Variants in CFTR observed in about 807,000 individuals in gnomAD.
The protein encoded by CFTR is CF transmembrane conductance regulator, also known as cystic fibrosis transmembrane conductance regulator.
Under a neutral mutation model 171.6 loss-of-function variants are expected in CFTR, and 181 were observed. That is an observed-to-expected ratio of 1.05 (90% CI 0.93 to 1.19). CFTR has a LOEUF of 1.19. CFTR is among the 50% of genes most tolerant of loss of function. The pLI, the probability that CFTR is intolerant of heterozygous loss-of-function variation, is 0.00. For missense variants in CFTR, 1,968 were observed against 1,734.7 expected (o/e 1.13, Z -2.39); for synonymous variants, 583 against 608.0 (o/e 0.96, Z 0.60).
At chr7:117,567,095 G>T (rs190312513) in intron 11 of CFTR, among the ~76,000 whole-genome samples, 97 of 152,136 alleles carry the variant, frequency 6.4e-4, no homozygotes, top group Admixed American at 2.5e-3. Context: ...AAAACACAAA[G>T]TAAAAAATCA....
At chr7:117,646,438 A>T (rs140082974) in intron 23 of CFTR, among the ~76,000 whole-genome samples, 180 of 152,286 alleles carry the variant, frequency 1.2e-3, no homozygotes, top group African/African-American at 4.0e-3. Context: ...TGGAGAGGGT[A>T]TTCCAGGATG....
intron 1 of CFTR, among the ~76,000 whole-genome samples, chr7:117,489,934 A>G (rs555822628): frequency 1.1e-4 from 17 of 151,976 alleles, no homozygotes; most frequent in Non-Finnish European, 2.1e-4. Context: ...TAGTGTGAAA[A>G]CCACTGACTT....
chr7:117,620,300 T>C (rs1282204604), intron 21 of CFTR, among the ~76,000 whole-genome samples: 1 of 152,182 alleles, frequency 6.6e-6, no homozygotes, highest in African/African-American at 2.4e-5. Flanking sequence ...TCCTTGAGGG[T>C]CTTATTTTTC....
intron 3 of CFTR, among the ~76,000 whole-genome samples, chr7:117,513,210 G>T (rs1334038594): frequency 1.3e-5 from 2 of 152,128 alleles, no homozygotes; most frequent in Non-Finnish European, 2.9e-5. Context: ...CAGTATGGAA[G>T]CTTGTATACC....
In CFTR at chr7:117,535,401, A is replaced by G; in HGVS notation, c.733A>G (p.Met245Val). ...LFQAGLGRMM[M>V]KYRDQRAGKI... ...TCAGGCTGGGCTAGGGAGAATGATGATGAAGTACAGGTAGCAACCTATTTT... is the reference window on the plus strand; with the variant it reads ...TCAGGCTGGGCTAGGGAGAATGATGGTGAAGTACAGGTAGCAACCTATTTT... Residue 245 changes from methionine (M) to valine (V), a missense_variant, in exon 6 of 27, where the codon ATG (methionine) becomes GTG (valine). Transcript: ENST00000003084. 6.2e-7 allele frequency: 1 copy of G among 1,614,102 alleles called. No homozygotes were observed. The highest frequency in any genetic ancestry group is 8.5e-7 in the Non-Finnish European group (1 of 1,179,992).
At chr7:117,571,130 G>A (rs1791681662) in intron 11 of CFTR, among the ~76,000 whole-genome samples, 2 of 152,294 alleles carry the variant, frequency 1.3e-5, no homozygotes, top group South Asian at 4.1e-4. Flanking sequence ...AGTCAGCAAA[G>A]GGGAAGATGA....
chr7:117,619,021 T>C (rs1167075819), intron 21 of CFTR, among the ~76,000 whole-genome samples: 1 of 152,216 alleles, frequency 6.6e-6, no homozygotes, highest in Non-Finnish European at 1.5e-5. Context: ...TCTATCTCTA[T>C]TCATTTCAAT....
At chr7:117,663,477 A>G (rs550994497) in intron 24 of CFTR, among the ~76,000 whole-genome samples, 2 of 151,606 alleles carry the variant, frequency 1.3e-5, no homozygotes, top group South Asian at 2.1e-4. Context: ...TATACTTTCA[A>G]ATGTTTTTTG....
At chr7:117,610,718 C>T in intron 19 of CFTR, 49 bp downstream of exon 19, 1 of 1,593,890 alleles carries the variant, frequency 6.3e-7, no homozygotes, top group Non-Finnish European at 8.6e-7. Context: ...GCTATAAGAG[C>T]TATTTGAGAT....
intron 3 of CFTR, among the ~76,000 whole-genome samples, chr7:117,517,564 A>G (rs959723958): frequency 1.3e-5 from 2 of 152,200 alleles, no homozygotes; most frequent in Admixed American, 6.5e-5. Flanking sequence ...TCCTTTGGGT[A>G]TGTACCCAGT....
intron 17 of CFTR, among the ~76,000 whole-genome samples, chr7:117,605,412 G>C (rs1425648445): frequency 1.3e-5 from 2 of 151,936 alleles, no homozygotes; most frequent in African/African-American, 4.8e-5. Flanking sequence ...TTTGCTTGGG[G>C]TATGGGTGAT....
chr7:117,591,476 C>A (rs535888302), intron 13 of CFTR, among the ~76,000 whole-genome samples: 8 of 151,918 alleles, frequency 5.3e-5, no homozygotes, highest in East Asian at 1.9e-4. Context: ...AATGTAAACA[C>A]TTGAGAAATA....
intron 3 of CFTR, among the ~76,000 whole-genome samples, chr7:117,516,794 C>T (rs1724573220): frequency 1.3e-5 from 2 of 152,082 alleles, no homozygotes; most frequent in African/African-American, 2.4e-5. Flanking sequence ...AAACACTTAT[C>T]TTTTGAGTTA....
At chr7:117,539,318 G>A (rs1799008148) in intron 7 of CFTR, among the ~76,000 whole-genome samples, 1 of 152,214 alleles carries the variant, frequency 6.6e-6, no homozygotes, top group Admixed American at 6.5e-5. Context: ...ATAGTGTAAT[G>A]TGATTGCAAA....
intron 11 of CFTR, among the ~76,000 whole-genome samples, chr7:117,578,381 G>A (rs2115992946): frequency 6.6e-6 from 1 of 152,052 alleles, no homozygotes; most frequent in Non-Finnish European, 1.5e-5. Context: ...TCTCTAGCTT[G>A]CTTTATTGTA....
chr7:117,620,788 T>G (rs548822273), intron 21 of CFTR, among the ~76,000 whole-genome samples: 8 of 152,322 alleles, frequency 5.3e-5, no homozygotes, highest in African/African-American at 1.9e-4. Flanking sequence ...GTTCTCATCC[T>G]AGTAGCACAT....
rs759721412 is a variant in CFTR, at chr7:117,504,308, A to T, written c.109A>T (p.Ile37Leu). Residue 37 changes from isoleucine to leucine, a missense_variant, in exon 2 of 27, where the codon ATA (isoleucine) becomes TTA (leucine). Physicochemically the swap from Ile to Leu is conservative, Grantham distance 5. Transcript: ENST00000003084. ...CAGACAGCGCCTGGAATTGTCAGACATATACCAAATCCCTTCTGTTGATTC... is the reference window on the plus strand; with the variant it reads ...CAGACAGCGCCTGGAATTGTCAGACTTATACCAAATCCCTTCTGTTGATTC... The part of the protein sequence containing the change: ...GYRQRLELSD[I>L]YQIPSVDSAD... The T allele has an allele frequency of 1.2e-6, 2 of 1,613,008 alleles. No individual in the cohort carries two copies.
intron 12 of CFTR, 144 bp from the exon 13 acceptor site, chr7:117,590,209 C>T: frequency 1.1e-6 from 1 of 894,098 alleles, no homozygotes; most frequent in Non-Finnish European, 1.6e-6. Context: ...ACTTCTGCAC[C>T]ACTTTTGAGA....
At chr7:117,634,862 G>A (rs1012345302) in intron 22 of CFTR, among the ~76,000 whole-genome samples, 2 of 151,854 alleles carry the variant, frequency 1.3e-5, no homozygotes, top group African/African-American at 4.8e-5. Context: ...TGTGATTTAT[G>A]GCCCAGAATG....
Sources: allele counts gnomAD v4.1 joint callset (sites outside exome capture counted in the v4.1 genomes callset), GRCh38; gene constraint gnomAD v4.1.1; transcripts MANE v1.5; gene names NCBI Gene and HGNC (gene_info 2026-07-23, HGNC 2026-07-21).